The following MYO1E variants were observed in gnomAD, a reference collection of about 807,000 sequenced individuals.
MYO1E encodes myosin IE, also known as unconventional myosin-Ie.
Under a neutral mutation model 151.1 loss-of-function variants are expected in MYO1E, and 68 were observed. The ratio of observed to expected loss-of-function variants is 0.45; its 90% CI spans 0.37 to 0.55. The LOEUF is 0.55. MYO1E is among the 20% of genes least tolerant of loss of function. MYO1E has a pLI of 0.00. For missense variants in MYO1E, 1,363 were observed against 1,389.3 expected (o/e 0.98, Z 0.30); for synonymous variants, 601 against 501.7 (o/e 1.20, Z -2.64).
rs148788257 is a variant in MYO1E, at chr15:59,281,682, G to A, written c.4-9233C>T. The stretch of plus-strand genomic sequence containing the variant: ...CCTATAACCACATTCCACAGCACTT[G>A]CTTCAAATTTTTCTATAAATGGTCC... On this transcript the variant is annotated intron_variant, in intron 1 of 27. Transcript: ENST00000288235. Among the ~76,000 whole-genome samples the A allele has an allele frequency of 4.6e-5, 7 of 152,256 alleles. No individual in the cohort carries two copies. The East Asian group carries it at 1.4e-3, about 29-fold the overall frequency.
At chr15:59,332,569 C>T (rs756035579) in intron 1 of MYO1E, among the ~76,000 whole-genome samples, 8 of 152,012 alleles carry the variant, frequency 5.3e-5, no homozygotes, top group African/African-American at 1.7e-4. Context: ...ATGTAGTGTC[C>T]CCTGTGCTAT....
chr15:59,285,324 C>T (rs1056698111), intron 1 of MYO1E, among the ~76,000 whole-genome samples: 69 of 7,052 alleles, frequency 9.8e-3, no homozygotes, highest in African/African-American at 0.016. Flanking sequence ...TTGAGAACAG[C>T]CTGGGCAACA....
chr15:59,165,645 C>A (rs955663089), intron 22 of MYO1E, among the ~76,000 whole-genome samples: 1 of 152,186 alleles, frequency 6.6e-6, no homozygotes, highest in African/African-American at 2.4e-5. Context: ...GGAACAAACA[C>A]CTCCTACTTA....
At chr15:59,224,943 C>T in intron 7 of MYO1E, 120 bp from the exon 8 acceptor site, 1 of 1,343,262 alleles carries the variant, frequency 7.4e-7, no homozygotes, top group Non-Finnish European at 1.0e-6. Flanking sequence ...AAATTACAGG[C>T]AGTCCTGGCC....
At chr15:59,224,650 G>A in intron 8 of MYO1E, 39 bp downstream of exon 8, 2 of 1,613,656 alleles carry the variant, frequency 1.2e-6, no homozygotes, top group Non-Finnish European at 1.7e-6. Flanking sequence ...ATGGCCAGTT[G>A]GGAGAGCAGA....
chr15:59,140,234 T>C (rs1047668095), intron 26 of MYO1E, among the ~76,000 whole-genome samples: 7 of 152,282 alleles, frequency 4.6e-5, no homozygotes, highest in African/African-American at 1.7e-4. Flanking sequence ...CTTCTAGCTT[T>C]AAAGTTATTC....
chr15:59,199,556 A>T (rs1234620534), intron 16 of MYO1E, among the ~76,000 whole-genome samples: 5 of 152,164 alleles, frequency 3.3e-5, no homozygotes. Context: ...GACAATATCG[A>T]ATTAAGTAAA....
chr15:59,179,609 G>A (rs1449157875), intron 18 of MYO1E, among the ~76,000 whole-genome samples: 1 of 152,194 alleles, frequency 6.6e-6, no homozygotes, highest in Non-Finnish European at 1.5e-5. Context: ...CAGAGTAGGA[G>A]ACAGAGGCAA....
intron 4 of MYO1E, among the ~76,000 whole-genome samples, chr15:59,245,170 C>G (rs1297969444): frequency 1.3e-5 from 2 of 152,024 alleles, no homozygotes; most frequent in South Asian, 2.1e-4. Context: ...GAAAAGCGTC[C>G]CCATGCTAAT....
rs140681945 is a variant in MYO1E, at chr15:59,362,812, C to T, written c.3+9686G>A. 2.0e-5 allele frequency among the ~76,000 whole-genome samples: 3 copies of T among 152,118 alleles called. No homozygotes were observed. In the East Asian group the frequency reaches 5.8e-4, roughly 29 times the overall value. On this transcript the variant is annotated intron_variant, in intron 1 of 27. Transcript: ENST00000288235. ...TGTCAACATCAAATGGTGGTCACACCGAAGAAATTATTAGGAGACTAACAA... is the reference window on the plus strand; with the variant it reads ...TGTCAACATCAAATGGTGGTCACACTGAAGAAATTATTAGGAGACTAACAA...
At chr15:59,330,759 A>T (rs7177984) in intron 1 of MYO1E, among the ~76,000 whole-genome samples, 34,808 of 151,942 alleles carry the variant, frequency 0.23, 5,815 homozygotes, top group African/African-American at 0.47. Flanking sequence ...GATTATTTTT[A>T]ATTTTTATTT....
chr15:59,183,990 C>T (rs755756908), intron 18 of MYO1E, among the ~76,000 whole-genome samples: 3 of 152,116 alleles, frequency 2.0e-5, no homozygotes, highest in Non-Finnish European at 4.4e-5. Context: ...CCAATTCCAT[C>T]GTGTTGTTGC....
chr15:59,327,024 A>G (rs779293034), intron 1 of MYO1E, among the ~76,000 whole-genome samples: 3 of 152,210 alleles, frequency 2.0e-5, no homozygotes, highest in Non-Finnish European at 4.4e-5. Flanking sequence ...CTGCACCCAG[A>G]GGAACTGGAA....
intron 10 of MYO1E, 91 bp downstream of exon 10, chr15:59,217,800 T>C: frequency 7.0e-7 from 1 of 1,432,214 alleles, no homozygotes; most frequent in Non-Finnish European, 9.8e-7. Context: ...AGTACTGGGA[T>C]TACAGGTGTG....
chr15:59,348,229 AC>A lies in MYO1E; in HGVS notation c.3+24268del, dbSNP rs879676142. Among the ~76,000 whole-genome samples the A allele has an allele frequency of 4.5e-4, 68 of 152,272 alleles. 1 individual carries two copies. Among genetic ancestry groups the A allele is most frequent in the Middle Eastern group, 6.8e-3 (2 of 294 alleles). On this transcript the variant is annotated intron_variant, in intron 1 of 27. Transcript: ENST00000288235. Reference sequence around the variant, plus strand: ...CCAGGTGCTAGTCACACAAAGGCTTACCTTTTGTAAAGTCCCCTGGGAACTA... The same window carrying A: ...CCAGGTGCTAGTCACACAAAGGCTTACTTTTGTAAAGTCCCCTGGGAACTA...
chr15:59,206,719 T>C, intron 14 of MYO1E: 2 of 550,750 alleles, frequency 3.6e-6, no homozygotes, highest in Non-Finnish European at 3.2e-6. Flanking sequence ...AGAAATCACT[T>C]GCTAGAGAAG....
intron 16 of MYO1E, among the ~76,000 whole-genome samples, chr15:59,201,552 G>A (rs374489358): frequency 3.0e-4 from 45 of 151,880 alleles, no homozygotes; most frequent in Non-Finnish European, 1.3e-4. Context: ...TTACACTCAC[G>A]TGCCACCACG....
rs778389437 is a variant in MYO1E, at chr15:59,137,426, C to T, written c.3281G>A (p.Arg1094Gln). 4 of 1,614,016 alleles carry T rather than the reference C, an allele frequency of 2.5e-6. No homozygotes were observed. The highest frequency in any genetic ancestry group is 1.3e-5 in the African/African-American group (1 of 74,890). Residue 1094 changes from arginine (R) to glutamine (Q), a missense_variant, in exon 28 of 28, where the codon CGA (arginine) becomes CAA (glutamine). Transcript: ENST00000288235. ...GTTGGGGAACAGGCCCTGCTTGCCT[C>T]GTAGTCGACCCGTCCACCAGCCAGA... ...DPSGWWTGRL[R>Q]GKQGLFPNNY...
chr15:59,297,662 A>G (rs2080458738), intron 1 of MYO1E, among the ~76,000 whole-genome samples: 1 of 151,614 alleles, frequency 6.6e-6, no homozygotes, highest in Admixed American at 6.6e-5. Flanking sequence ...GCTCACTGCC[A>G]CCTCGACCTC....
Sources: allele counts gnomAD v4.1 joint callset (sites outside exome capture counted in the v4.1 genomes callset), GRCh38; gene constraint gnomAD v4.1.1; transcripts MANE v1.5; gene names NCBI Gene and HGNC (gene_info 2026-07-23, HGNC 2026-07-21).